The following CDH4 variants were observed in gnomAD, a reference collection of about 807,000 sequenced individuals.
CDH4 encodes cadherin-4.
A neutral mutation model predicts 86.0 loss-of-function variants in CDH4; 33 were observed. The ratio of observed to expected loss-of-function variants is 0.38; its 90% CI spans 0.29 to 0.51. CDH4 has a LOEUF of 0.51. Ranked by LOEUF, CDH4 falls within the 20% of genes least tolerant of loss-of-function variation. CDH4 has a pLI of 0.86. For missense variants in CDH4, 1,114 were observed against 1,307.4 expected (o/e 0.85, Z 2.28); for synonymous variants, 555 against 549.4 (o/e 1.01, Z -0.14).
chr20:61,393,060 G>A lies in CDH4; in HGVS notation c.169+138123G>A, dbSNP rs551104202. Among the ~76,000 whole-genome samples the A allele has an allele frequency of 8.5e-5, 13 of 152,254 alleles. No individual in the cohort carries two copies. The highest frequency in any genetic ancestry group is 1.9e-4 in the East Asian group (1 of 5,176). On this transcript the variant is annotated intron_variant, in intron 2 of 15. Transcript: ENST00000614565. The surrounding 1 kb of genome is among the most constrained non-coding windows in gnomAD (Gnocchi z 4.3). ...GCGGGGCCCCTCGGTGATCAGGGCC[G>A]TTTATTTTCCTCCTAATTTCTTACT...
chr20:61,899,509 C>A (rs543960866), intron 8 of CDH4, among the ~76,000 whole-genome samples: 2 of 152,072 alleles, frequency 1.3e-5, no homozygotes, highest in Non-Finnish European at 1.5e-5. Flanking sequence ...CTCACTGCAA[C>A]CTCCGCCTCC....
Position 61,770,612 on chromosome 20 carries a change from G to A in CDH4, c.397-2391G>A, listed in dbSNP as rs908412920. ...GGAAACACAGAAAGGGTTCAGGCGCGGTGGCTCACACCTGTAATCCCAGCA... is the reference window on the plus strand; with the variant it reads ...GGAAACACAGAAAGGGTTCAGGCGCAGTGGCTCACACCTGTAATCCCAGCA... On this transcript the variant is annotated intron_variant, in intron 3 of 15. Transcript: ENST00000614565. Among the ~76,000 whole-genome samples the A allele has an allele frequency of 7.2e-5, 11 of 152,326 alleles. No homozygotes were observed. The East Asian group carries it at 1.2e-3, about 16-fold the overall frequency.
At chr20:61,514,886 G>A (rs1032679114) in intron 2 of CDH4, among the ~76,000 whole-genome samples, 14 of 152,210 alleles carry the variant, frequency 9.2e-5, no homozygotes, top group Non-Finnish European at 1.8e-4. Context: ...GCACCTGGGC[G>A]GCAGCCATGG....
intron 2 of CDH4, among the ~76,000 whole-genome samples, chr20:61,554,975 A>G (rs757669558): frequency 2.8e-4 from 42 of 152,352 alleles, no homozygotes; most frequent in Non-Finnish European, 4.9e-4. Context: ...GTGTGTTTAC[A>G]TGGCAAATAT....
chr20:61,329,193 A>G (rs1053604844), intron 2 of CDH4, among the ~76,000 whole-genome samples: 6 of 151,878 alleles, frequency 4.0e-5, no homozygotes, highest in African/African-American at 1.5e-4. Flanking sequence ...ATTGTAGTTC[A>G]GCTGTCATTT....
At chr20:61,473,842 C>T (rs183015306) in intron 2 of CDH4, among the ~76,000 whole-genome samples, 17 of 152,110 alleles carry the variant, frequency 1.1e-4, no homozygotes, top group Admixed American at 1.1e-3. Context: ...GACACTCAGA[C>T]ACTCACATAC....
At chr20:61,525,459 T>C (rs1358864234) in intron 2 of CDH4, among the ~76,000 whole-genome samples, 1 of 152,106 alleles carries the variant, frequency 6.6e-6, no homozygotes, top group African/African-American at 2.4e-5. Flanking sequence ...TGAGGATGCA[T>C]GCGGTGAGCA....
At chr20:61,435,129 C>G (rs1030107436) in intron 2 of CDH4, among the ~76,000 whole-genome samples, 1 of 152,176 alleles carries the variant, frequency 6.6e-6, no homozygotes, top group Non-Finnish European at 1.5e-5. Context: ...ATTGTGTAGG[C>G]AGACGTGGCT....
At chr20:61,654,897 CGCTCTGG>C (rs2087170324) in intron 2 of CDH4, among the ~76,000 whole-genome samples, 2 of 62,110 alleles carry the variant, frequency 3.2e-5, no homozygotes, top group South Asian at 3.8e-4. Context: ...GACCCAGCCC[CGCTCTGG>C]ACAGGGACAC....
chr20:61,392,731 G>C lies in CDH4; in HGVS notation c.169+137794G>C, dbSNP rs2084993336. ...CCCGTGCTGTTAAATTTGAACCTTG[G>C]ACTGTTTCTCACAGTATTCATCAGA... On this transcript the variant is annotated intron_variant, in intron 2 of 15. Transcript: ENST00000614565. This position sits in a 1 kb window ranked among gnomAD's most constrained non-coding sequence, Gnocchi z 5.7. Among the ~76,000 whole-genome samples, 1 of 152,130 alleles carries C rather than the reference G, an allele frequency of 6.6e-6. No homozygotes were observed. Among genetic ancestry groups the C allele is most frequent in the Non-Finnish European group, 1.5e-5 (1 of 68,020 alleles).
At chr20:61,735,996 G>T (rs944100965) in intron 2 of CDH4, among the ~76,000 whole-genome samples, 1 of 152,128 alleles carries the variant, frequency 6.6e-6, no homozygotes, top group African/African-American at 2.4e-5. Flanking sequence ...GGCCCTAAAG[G>T]GGGTGTCTGG....
At chr20:61,328,074 A>G (rs1442598130) in intron 2 of CDH4, among the ~76,000 whole-genome samples, 1 of 152,254 alleles carries the variant, frequency 6.6e-6, no homozygotes, top group Non-Finnish European at 1.5e-5. Flanking sequence ...TTAAATGTAC[A>G]GTTTAGCTAG....
intron 2 of CDH4, among the ~76,000 whole-genome samples, chr20:61,565,080 G>T (rs1600762942): frequency 1.6e-5 from 2 of 125,676 alleles, no homozygotes; most frequent in Non-Finnish European, 3.3e-5. Context: ...GGTGGTGGTG[G>T]TGGTGGTGCT....
chr20:61,858,934 G>A (rs1983194056), intron 6 of CDH4, among the ~76,000 whole-genome samples: 1 of 152,178 alleles, frequency 6.6e-6, no homozygotes, highest in South Asian at 2.1e-4. Flanking sequence ...GCCCGAGAAT[G>A]CAATTGTGGG....
chr20:61,880,865 C>T (rs1984244176), intron 7 of CDH4, among the ~76,000 whole-genome samples: 1 of 152,222 alleles, frequency 6.6e-6, no homozygotes, highest in East Asian at 1.9e-4. Flanking sequence ...GTGTGGCCAC[C>T]CAGCAAGGTG....
At chr20:61,864,595 G>A (rs147234101) in intron 6 of CDH4, among the ~76,000 whole-genome samples, 7 of 152,264 alleles carry the variant, frequency 4.6e-5, no homozygotes, top group African/African-American at 1.7e-4. Context: ...ACAAGGGGCC[G>A]TGGATCCAGT....
intron 2 of CDH4, among the ~76,000 whole-genome samples, chr20:61,695,491 C>T (rs1377907357): frequency 6.6e-6 from 1 of 152,200 alleles, no homozygotes; most frequent in African/African-American, 2.4e-5. Context: ...TGGTGCCTCT[C>T]ATCCTTGAGC....
chr20:61,399,119 CTTTT>C lies in CDH4; in HGVS notation c.169+144203_169+144206del, dbSNP rs926368033. 3.4e-4 allele frequency among the ~76,000 whole-genome samples: 26 copies of C among 77,028 alleles called. No homozygotes were observed. In the South Asian group the frequency reaches 8.9e-3, roughly 26 times the overall value. 50.5% of individuals were successfully genotyped at this position (77,028 alleles called of 152,430 possible). Reference sequence around the variant, plus strand: ...CAATTGTTTCAGGAGGAAAAACCCACTTTTTTTTTTTTTTTTTTTTTTTTGAGAC... The same window carrying C: ...CAATTGTTTCAGGAGGAAAAACCCACTTTTTTTTTTTTTTTTTTTTGAGAC... On this transcript the variant is annotated intron_variant, in intron 2 of 15. Transcript: ENST00000614565.
At chr20:61,904,761 C>T (rs1338197258) in intron 8 of CDH4, among the ~76,000 whole-genome samples, 3 of 152,382 alleles carry the variant, frequency 2.0e-5, no homozygotes, top group African/African-American at 2.4e-5. Context: ...GTGGCAGATG[C>T]GGGACTTCTC....
Sources: gnomAD v4.1 joint callset for allele counts (sites outside exome capture counted in the v4.1 genomes callset) on GRCh38, gnomAD v4.1.1 for gene constraint, Gnocchi (gnomAD v3.1) non-coding constraint, MANE v1.5 for transcripts, NCBI Gene and HGNC (gene_info 2026-07-23, HGNC 2026-07-21) for gene names.